The following NRP2 variants were observed in gnomAD, a reference collection of about 807,000 sequenced individuals.
The protein encoded by NRP2 is neuropilin-2.
NRP2 carries 52 observed loss-of-function variants against 110.4 expected under a neutral mutation model. The ratio of observed to expected loss-of-function variants is 0.47; its 90% CI spans 0.38 to 0.59. NRP2 has a LOEUF of 0.59. NRP2 is among the 20% of genes least tolerant of loss of function. The probability of loss-of-function intolerance (pLI) is 0.00; values close to 1 mark genes in which losing one functional copy is unlikely to be tolerated. For missense variants in NRP2, 1,049 were observed against 1,203.0 expected, an observed-to-expected ratio of 0.87 and a Z score of 1.89; for synonymous variants, 508 against 468.9, an observed-to-expected ratio of 1.08 and a Z score of -1.08.
intron 1 of NRP2, among the ~76,000 whole-genome samples, chr2:205,692,021 T>C (rs550025474): frequency 3.9e-4 from 60 of 152,220 alleles, no homozygotes; most frequent in Non-Finnish European, 7.6e-4. Flanking sequence ...AGTGAATTCA[T>C]TGGAGGTGTT....
In NRP2 at chr2:205,685,630, C is replaced by G. The variant is rs555082655; in HGVS notation, c.73+2267C>G. On this transcript the variant is annotated intron_variant, in intron 1 of 16. Coordinates refer to ENST00000357785, the MANE Select transcript of NRP2 (RefSeq NM_003872.3). ...ATGGGCGACGCGCACCAGGCTGCCC[C>G]TCTCCTCACTGCGCCGCCTCGCCAG... 2.6e-5 allele frequency among the ~76,000 whole-genome samples: 4 copies of G among 152,230 alleles called. No individual in the cohort carries two copies. In the South Asian group the frequency reaches 8.3e-4, roughly 31 times the overall value.
intron 2 of NRP2, among the ~76,000 whole-genome samples, chr2:205,701,713 G>T (rs192441926): frequency 5.3e-5 from 8 of 152,228 alleles, no homozygotes; most frequent in African/African-American, 1.4e-4. Context: ...CATATACCAC[G>T]TATCATTGAA....
At chr2:205,715,541 C>A (rs1175756725) in intron 2 of NRP2, among the ~76,000 whole-genome samples, 1 of 152,162 alleles carries the variant, frequency 6.6e-6, no homozygotes, top group Admixed American at 6.5e-5. Flanking sequence ...CTGATGGGAA[C>A]CTCGCAGAGT....
intron 2 of NRP2, among the ~76,000 whole-genome samples, chr2:205,711,305 G>A (rs2056793355): frequency 6.6e-6 from 1 of 152,194 alleles, no homozygotes; most frequent in Non-Finnish European, 1.5e-5. Flanking sequence ...TTATTGTCTG[G>A]TGCAGGAGAC....
At chr2:205,722,386 G>A in intron 3 of NRP2, 92 bp from the exon 4 acceptor site, 1 of 1,037,952 alleles carries the variant, frequency 9.6e-7, no homozygotes, top group Non-Finnish European at 1.5e-6. Flanking sequence ...AGAGCAGGGG[G>A]ATTTGGGGCC....
intron 4 of NRP2, 82 bp from the exon 5 acceptor site, chr2:205,723,703 C>CA: frequency 4.3e-6 from 6 of 1,391,576 alleles, no homozygotes; most frequent in Non-Finnish European, 6.1e-6. Flanking sequence ...GAATGAAATG[C>CA]AATGAGGGGA....
At chr2:205,702,440 A>T (rs930460688) in intron 2 of NRP2, among the ~76,000 whole-genome samples, 1 of 152,212 alleles carries the variant, frequency 6.6e-6, no homozygotes, top group African/African-American at 2.4e-5. Flanking sequence ...GCAACAGAGG[A>T]TGGAGTTCTC....
intron 7 of NRP2, among the ~76,000 whole-genome samples, chr2:205,733,183 A>G (rs753951378): frequency 6.6e-6 from 1 of 152,214 alleles, no homozygotes; most frequent in African/African-American, 2.4e-5. Context: ...AGCTCAGGGG[A>G]AAATTTCATT....
intron 12 of NRP2, chr2:205,762,114 G>A (rs1447212216): frequency 6.6e-6 from 1 of 152,206 alleles, no homozygotes; most frequent in African/African-American, 2.4e-5. Flanking sequence ...TATCTGTGCT[G>A]ATTTTGGCCT....
intron 2 of NRP2, among the ~76,000 whole-genome samples, chr2:205,708,268 C>T (rs1397642529): frequency 6.6e-6 from 1 of 152,202 alleles, no homozygotes; most frequent in African/African-American, 2.4e-5. Flanking sequence ...ACATTGGCAC[C>T]GGTTGCCTAG....
At chr2:205,788,213 G>T (rs1411421851) in intron 15 of NRP2, among the ~76,000 whole-genome samples, 1 of 152,130 alleles carries the variant, frequency 6.6e-6, no homozygotes. Context: ...CCAAAATAAG[G>T]TGACTTTTTG....
chr2:205,716,077 C>G, intron 2 of NRP2, 116 bp from the exon 3 acceptor site: 2 of 1,089,396 alleles, frequency 1.8e-6, no homozygotes, highest in Admixed American at 1.7e-5. Context: ...CTTCGCTTAT[C>G]CATCTGAAAC....
At chr2:205,792,105 C>G (rs182971652) in intron 15 of NRP2, 130 bp from the exon 16 acceptor site, 3 of 699,230 alleles carry the variant, frequency 4.3e-6, no homozygotes, top group Non-Finnish European at 7.9e-6. Flanking sequence ...AATGAATGAT[C>G]TAGAAGTAGA....
chr2:205,715,121 C>A (rs1157599371), intron 2 of NRP2, among the ~76,000 whole-genome samples: 2 of 152,204 alleles, frequency 1.3e-5, no homozygotes, highest in Non-Finnish European at 2.9e-5. Context: ...TGGAAGGGAG[C>A]TGGTGGGAGG....
At chr2:205,757,634 G>A (rs111290352) in intron 12 of NRP2, among the ~76,000 whole-genome samples, 9 of 152,288 alleles carry the variant, frequency 5.9e-5, no homozygotes, top group African/African-American at 2.2e-4. Context: ...CCATTGAATT[G>A]CTGTTAGATT....
At chr2:205,766,996 C>A in intron 15 of NRP2, 193 bp downstream of exon 15, 1 of 627,520 alleles carries the variant, frequency 1.6e-6, no homozygotes, top group Middle Eastern at 2.6e-4. Flanking sequence ...GAGAGCCTCA[C>A]TGTCTCTTGT....
chr2:205,731,494 C>T (rs1484669446), intron 7 of NRP2, among the ~76,000 whole-genome samples: 3 of 152,190 alleles, frequency 2.0e-5, no homozygotes, highest in African/African-American at 4.8e-5. Flanking sequence ...TGATTCTGCA[C>T]TGGGGATAGG....
At position 205,776,442 on chromosome 2, in the gene NRP2, C is replaced by A. The variant is rs770910313; in HGVS notation, c.2425+9639C>A. 50 of 1,613,254 alleles carry A rather than the reference C, an allele frequency of 3.1e-5. 1 individual carries two copies. The highest frequency in any genetic ancestry group is 3.3e-4 in the Middle Eastern group (2 of 6,084). On this transcript the variant is annotated intron_variant, in intron 15 of 16. Transcript: ENST00000357785. ...CCGATCACTCCATCACCTACAAAAC[C>A]TCCCACTACACCAACGGGGCCCCTC...
At chr2:205,699,288 A>C (rs1054471212) in intron 2 of NRP2, among the ~76,000 whole-genome samples, 9 of 152,222 alleles carry the variant, frequency 5.9e-5, no homozygotes, top group African/African-American at 2.2e-4. Flanking sequence ...GAGCTTCTTT[A>C]TAAGGTGTTT....
Sources: gnomAD v4.1 joint callset for allele counts (sites outside exome capture counted in the v4.1 genomes callset) on GRCh38, gnomAD v4.1.1 for gene constraint, MANE v1.5 for transcripts, NCBI Gene and HGNC (gene_info 2026-07-23, HGNC 2026-07-21) for gene names.